Variants in ANKFY1 observed in about 807,000 individuals in gnomAD.
The protein encoded by ANKFY1 is ankyrin repeat and FYVE domain containing 1, also known as ankyrin repeat and FYVE domain-containing protein 1.
Under a neutral mutation model 128.3 loss-of-function variants are expected in ANKFY1, and 47 were observed. The observed-to-expected ratio is 0.37, with a 90% confidence interval of 0.29 to 0.47. ANKFY1 has a LOEUF of 0.47. ANKFY1 is among the 20% of genes least tolerant of loss of function. The pLI is 1.00. For synonymous variants in ANKFY1, 553 were observed against 601.6 expected (o/e 0.92, Z 1.18); for missense variants, 1,222 against 1,510.6 (o/e 0.81, Z 3.17).
intron 3 of ANKFY1, among the ~76,000 whole-genome samples, chr17:4,228,191 T>C (rs1211618527): frequency 6.6e-6 from 1 of 152,012 alleles, no homozygotes; most frequent in African/African-American, 2.4e-5. Context: ...AGCAACATAC[T>C]AAGGTGTGGG....
chr17:4,250,599 G>A (rs1967773831), intron 1 of ANKFY1, among the ~76,000 whole-genome samples: 1 of 152,100 alleles, frequency 6.6e-6, no homozygotes, highest in Non-Finnish European at 1.5e-5. Context: ...CTCCAAATTG[G>A]TCTATAGATC....
chr17:4,211,919 CAAACA>C (rs1216602913), intron 4 of ANKFY1, among the ~76,000 whole-genome samples: 2 of 16,874 alleles, frequency 1.2e-4, no homozygotes, highest in African/African-American at 1.3e-4. Flanking sequence ...AACAAACAAA[CAAACA>C]AAAAACATCA....
chr17:4,196,683 G>GAGAATTTTCTAACAATT (rs1339298228), intron 8 of ANKFY1, among the ~76,000 whole-genome samples: 7 of 152,196 alleles, frequency 4.6e-5, no homozygotes, highest in Non-Finnish European at 8.8e-5. Flanking sequence ...GTTTAATATA[G>GAGAATTTTCTAACAATT]AGAATTTTCT....
chr17:4,263,786 C>T (rs1968556217), intron 1 of ANKFY1, 146 bp downstream of exon 1: 2 of 1,588,888 alleles, frequency 1.3e-6, no homozygotes, highest in Non-Finnish European at 1.7e-6. Flanking sequence ...CGAGAAGCTC[C>T]GGAGAGGCTA....
At chr17:4,186,078 A>C (rs760830805) in intron 11 of ANKFY1, among the ~76,000 whole-genome samples, 1 of 152,158 alleles carries the variant, frequency 6.6e-6, no homozygotes, top group Admixed American at 6.5e-5. Context: ...TACCACTTTC[A>C]TGTTTCTCTC....
At position 4,178,494 on chromosome 17, in the gene ANKFY1, A is replaced by T. The variant is rs2059449827; in HGVS notation, c.2598+363T>A. 1 of 262,400 alleles carries T rather than the reference A, an allele frequency of 3.8e-6. No homozygotes were observed. The highest frequency in any genetic ancestry group is 4.6e-5 in the Admixed American group (1 of 21,786). 16.3% of individuals were successfully genotyped at this position (262,400 alleles called of 1,614,324 possible). On this transcript the variant is annotated intron_variant, in intron 18 of 24. Coordinates refer to ENST00000341657, the MANE Select transcript of ANKFY1 (RefSeq NM_001330063.2). This position sits in a 1 kb window ranked among gnomAD's most constrained non-coding sequence, Gnocchi z 4.1. ...GCAACTGAACTCCTCGGAAACACTCAGGAAGTTGCCCCAACATCACAACAC... is the reference window on the plus strand; with the variant it reads ...GCAACTGAACTCCTCGGAAACACTCTGGAAGTTGCCCCAACATCACAACAC...
chr17:4,179,151 T>C lies in ANKFY1; in HGVS notation c.2398-94A>G, dbSNP rs2059463048. ...TAACTTTTAAATCAAATTTCAGTTATGAGAATCGATCAATACTACCACCCT... is the reference window on the plus strand; with the variant it reads ...TAACTTTTAAATCAAATTTCAGTTACGAGAATCGATCAATACTACCACCCT... On this transcript the variant is annotated intron_variant, in intron 17 of 24. Coordinates refer to ENST00000341657, the MANE Select transcript of ANKFY1 (RefSeq NM_001330063.2). 8.7e-6 allele frequency: 12 copies of C among 1,372,092 alleles called. No individual in the cohort carries two copies. In the Admixed American group the frequency reaches 1.4e-4, roughly 16 times the overall value. The allele number at this position is 1,372,092 out of a possible 1,614,324, so 85.0% of individuals were successfully genotyped here. A position where few individuals can be genotyped will look rare whatever the true frequency, so the allele number is the denominator to read the frequency against.
At chr17:4,203,464 T>C (rs1489476782) in intron 7 of ANKFY1, among the ~76,000 whole-genome samples, 1 of 152,194 alleles carries the variant, frequency 6.6e-6, no homozygotes, top group African/African-American at 2.4e-5. Flanking sequence ...TATTTCATGC[T>C]GCTCCAGTTG....
chr17:4,253,546 A>T (rs1967954791), intron 1 of ANKFY1, among the ~76,000 whole-genome samples: 1 of 152,174 alleles, frequency 6.6e-6, no homozygotes, highest in African/African-American at 2.4e-5. Flanking sequence ...CCTTAGCATC[A>T]TTCCTGTTGC....
At position 4,195,012 on chromosome 17, in the gene ANKFY1, G is replaced by A. The variant is rs775180647; in HGVS notation, c.1338C>T (p.Arg446=). The A allele has an allele frequency of 2.5e-5, 40 of 1,614,040 alleles. No homozygotes were observed. Among genetic ancestry groups the A allele is most frequent in the African/African-American group, 1.7e-4 (13 of 74,896 alleles). ...ENSFAARLIQ[R]GSHTDAPDTA... is the part of the protein sequence containing the mutation. ...TGTCAGGTGCGTCTGTGTGGCTGCC[G>A]CGCTGGATGAGTCTGGCTGCAAAGC... The change falls in exon 10 of 25, where the codon CGC becomes CGT. Residue 446 remains arginine, a synonymous_variant. Transcript: ENST00000341657.
At chr17:4,236,175 A>C (rs1166253353) in intron 2 of ANKFY1, among the ~76,000 whole-genome samples, 1 of 152,232 alleles carries the variant, frequency 6.6e-6, no homozygotes, top group Non-Finnish European at 1.5e-5. Flanking sequence ...TGAACCTACA[A>C]GTTAAGTAGG....
intron 1 of ANKFY1, 197 bp downstream of exon 1, chr17:4,263,735 G>T: frequency 6.7e-7 from 1 of 1,486,080 alleles, no homozygotes. Context: ...CGGCATCGCG[G>T]GAGGGACGTT....
chr17:4,222,291 TG>T, intron 3 of ANKFY1: 1 of 671,852 alleles, frequency 1.5e-6, no homozygotes, highest in Non-Finnish European at 2.7e-6. Flanking sequence ...TGAGTGAGGA[TG>T]AGGTGCACCG....
rs1416343348 is a variant in ANKFY1 at position 4,167,936 on chromosome 17, T to C, written c.3378-25A>G. 6.2e-7 allele frequency: 1 copy of C among 1,607,492 alleles called. No homozygotes were observed. The highest frequency in any genetic ancestry group is 8.5e-7 in the Non-Finnish European group (1 of 1,176,192). ...ACTGTGGAAGCAAAGAAAGGAAGTA[T>C]GAGAGGAGCGCCAACGACAGACTCT... is the stretch of plus-strand genomic sequence containing the variant. On this transcript the variant is annotated intron_variant, in intron 24 of 24. Transcript: ENST00000341657. This position sits in a 1 kb window ranked among gnomAD's most constrained non-coding sequence, Gnocchi z 4.1.
At chr17:4,227,946 G>T (rs935566859) in intron 3 of ANKFY1, among the ~76,000 whole-genome samples, 3 of 152,102 alleles carry the variant, frequency 2.0e-5, no homozygotes, top group African/African-American at 4.8e-5. Context: ...CATCCATTTT[G>T]CAAGACAGTT....
intron 16 of ANKFY1, chr17:4,180,347 G>C (rs2059488045): frequency 6.4e-6 from 1 of 155,506 alleles, no homozygotes; most frequent in Non-Finnish European, 1.4e-5. Flanking sequence ...TGAGGCAGGA[G>C]AATTACTTGA....
intron 8 of ANKFY1, among the ~76,000 whole-genome samples, 170 bp from the exon 9 acceptor site, chr17:4,195,641 T>C (rs973178306): frequency 6.6e-6 from 1 of 152,150 alleles, no homozygotes. Flanking sequence ...CGGATCTGCT[T>C]ATATGTGACC....
intron 5 of ANKFY1, 44 bp from the exon 6 acceptor site, chr17:4,208,126 A>C: frequency 1.9e-6 from 3 of 1,546,652 alleles, no homozygotes; most frequent in Non-Finnish European, 2.6e-6. Context: ...GACACAAGGC[A>C]ATGAATCCAA....
intron 8 of ANKFY1, among the ~76,000 whole-genome samples, chr17:4,196,900 G>A (rs1243834177): frequency 1.3e-5 from 2 of 152,134 alleles, no homozygotes; most frequent in Admixed American, 6.5e-5. Context: ...TGGGCAGATT[G>A]CTTGAGCTCA....
Sources: allele counts gnomAD v4.1 joint callset (sites outside exome capture counted in the v4.1 genomes callset), GRCh38; gene constraint gnomAD v4.1.1; non-coding constraint Gnocchi (gnomAD v3.1); transcripts MANE v1.5; gene names NCBI Gene and HGNC (gene_info 2026-07-23, HGNC 2026-07-21).